The following BCL2 variants were observed in gnomAD, a reference collection of about 807,000 sequenced individuals.
BCL2 encodes the protein BCL2 apoptosis regulator, also known as apoptosis regulator Bcl-2.
A neutral mutation model predicts 14.2 loss-of-function variants in BCL2; 1 was observed. That is an observed-to-expected ratio of 0.07 (90% CI 0.02 to 0.33). The LOEUF (loss-of-function observed/expected upper bound fraction) is 0.33. Among genes scored for constraint, BCL2 ranks in the 10% least tolerant of loss-of-function variants. The pLI, the probability that BCL2 is intolerant of heterozygous loss-of-function variation, is 0.99. For synonymous variants in BCL2, 151 were observed against 137.2 expected (o/e 1.10, Z -0.70); for missense variants, 247 against 305.9 (o/e 0.81, Z 1.44).
At chr18:63,255,594 G>T (rs773800855) in intron 2 of BCL2, among the ~76,000 whole-genome samples, 1 of 152,188 alleles carries the variant, frequency 6.6e-6, no homozygotes, top group African/African-American at 2.4e-5. Context: ...GTTTGAAAGA[G>T]CTGGACTTCC....
intron 2 of BCL2, among the ~76,000 whole-genome samples, chr18:63,294,117 T>A (rs901241529): frequency 1.3e-5 from 2 of 152,162 alleles, no homozygotes; most frequent in Non-Finnish European, 2.9e-5. Context: ...GCTGCCTTGG[T>A]ATGTAGACCA....
intron 2 of BCL2, among the ~76,000 whole-genome samples, chr18:63,153,316 TGCCTG>T (rs1414852256): frequency 6.6e-6 from 1 of 152,226 alleles, no homozygotes; most frequent in Non-Finnish European, 1.5e-5. Context: ...TTCTGTGAAG[TGCCTG>T]GCAGCAAAGG....
chr18:63,295,452 A>G (rs1179380087), intron 2 of BCL2, among the ~76,000 whole-genome samples: 2 of 152,092 alleles, frequency 1.3e-5, no homozygotes, highest in Non-Finnish European at 2.9e-5. Context: ...AAACCTTTAT[A>G]CCATCATTGA....
At chr18:63,218,752 A>C (rs1910291991) in intron 2 of BCL2, among the ~76,000 whole-genome samples, 5 of 29,314 alleles carry the variant, frequency 1.7e-4, no homozygotes, top group Admixed American at 4.6e-4. Context: ...TCCATCCTCC[A>C]CTCATCCCCC....
intron 2 of BCL2, chr18:63,302,332 A>AAGAG (rs963681512): frequency 1.0e-6 from 1 of 983,450 alleles, no homozygotes; most frequent in Non-Finnish European, 1.2e-6. Context: ...GAAAGAGAGA[A>AAGAG]AGAGAGAGAG....
Position 63,277,129 on chromosome 18 carries a change from C to T in BCL2, c.585+40953G>A, listed in dbSNP as rs138791814. On this transcript the variant is annotated intron_variant, in intron 2 of 2. Transcript: ENST00000333681. The stretch of plus-strand genomic sequence containing the variant: ...CCACCTGCCCCCTGTCTGGGAGACT[C>T]TTCTCTCAGAGATCCACAGGGCTCC... Among the ~76,000 whole-genome samples, 318 of 152,286 alleles carry T rather than the reference C, an allele frequency of 2.1e-3. 2 individuals are homozygous for T. The highest frequency in any genetic ancestry group is 7.5e-3 in the African/African-American group (312 of 41,562).
At chr18:63,254,383 T>TGAAAAA (rs1218382855) in intron 2 of BCL2, among the ~76,000 whole-genome samples, 1 of 38,412 alleles carries the variant, frequency 2.6e-5, no homozygotes, top group Non-Finnish European at 4.2e-5. Context: ...CTGTCTTTGC[T>TGAAAAA]AAAAAAAAAA....
At chr18:63,223,065 G>C (rs769478758) in intron 2 of BCL2, among the ~76,000 whole-genome samples, 6 of 152,172 alleles carry the variant, frequency 3.9e-5, no homozygotes, top group Non-Finnish European at 8.8e-5. Flanking sequence ...AGATAGCACC[G>C]GTGACCTCTG....
At chr18:63,188,045 G>GT (rs1014753754) in intron 2 of BCL2, among the ~76,000 whole-genome samples, 35 of 152,282 alleles carry the variant, frequency 2.3e-4, no homozygotes, top group African/African-American at 8.2e-4. Context: ...CATAAACTTT[G>GT]TAAGTATACG....
At chr18:63,228,938 G>A (rs941022673) in intron 2 of BCL2, among the ~76,000 whole-genome samples, 1 of 152,212 alleles carries the variant, frequency 6.6e-6, no homozygotes, top group South Asian at 2.1e-4. Context: ...TCTAACTCCT[G>A]ACCTTGAGTG....
intron 2 of BCL2, among the ~76,000 whole-genome samples, chr18:63,197,204 T>C (rs1234100893): frequency 6.6e-6 from 1 of 152,242 alleles, no homozygotes; most frequent in Non-Finnish European, 1.5e-5. Flanking sequence ...AGATGCTGCA[T>C]GACCTTCAGA....
intron 2 of BCL2, among the ~76,000 whole-genome samples, chr18:63,308,982 T>C (rs1779094598): frequency 1.3e-5 from 2 of 152,334 alleles, no homozygotes; most frequent in Middle Eastern, 3.4e-3. Context: ...ACCTTGATTT[T>C]GTAAGACCTA....
At position 63,125,261 on chromosome 18, in the gene BCL2, G is replaced by A. The variant is rs552589178; in HGVS notation, c.*3364C>T. The A allele has an allele frequency of 6.6e-5, 15 of 226,166 alleles. No individual in the cohort carries two copies. The highest frequency in any genetic ancestry group is 1.1e-4 in the Admixed American group (2 of 17,566). 14.0% of individuals were successfully genotyped at this position (226,166 alleles called of 1,614,324 possible). A position where few individuals can be genotyped will look rare whatever the true frequency, so the allele number is the denominator to read the frequency against. Reference sequence around the variant, plus strand: ...AGTGAGCTGTGGAGAGAATGTTGGCGTCTTGTTTGAACTAAATTGAGGTGC... The same window carrying A: ...AGTGAGCTGTGGAGAGAATGTTGGCATCTTGTTTGAACTAAATTGAGGTGC... On this transcript the variant is annotated 3_prime_UTR_variant, in exon 3 of 3. Coordinates refer to ENST00000333681, the MANE Select transcript of BCL2 (RefSeq NM_000633.3).
At chr18:63,172,263 G>A (rs776430621) in intron 2 of BCL2, among the ~76,000 whole-genome samples, 30 of 152,268 alleles carry the variant, frequency 2.0e-4, no homozygotes, top group Admixed American at 5.9e-4. Flanking sequence ...TTTCATTCAC[G>A]TACTCACTTG....
At chr18:63,199,515 GACAC>G (rs533320160) in intron 2 of BCL2, among the ~76,000 whole-genome samples, 174 of 144,346 alleles carry the variant, frequency 1.2e-3, no homozygotes, top group Non-Finnish European at 1.9e-3. Context: ...CAGACACAGA[GACAC>G]ACACAACACA....
chr18:63,288,932 A>G (rs558040104), intron 2 of BCL2, among the ~76,000 whole-genome samples: 2 of 152,346 alleles, frequency 1.3e-5, no homozygotes, highest in South Asian at 2.1e-4. Flanking sequence ...TGATAAACCT[A>G]CATGCGTAGC....
intron 2 of BCL2, among the ~76,000 whole-genome samples, chr18:63,307,891 A>G (rs1180056973): frequency 6.6e-6 from 1 of 152,214 alleles, no homozygotes; most frequent in Non-Finnish European, 1.5e-5. Flanking sequence ...CAAATCTACA[A>G]GCTGACACAT....
chr18:63,280,201 T>C (rs1260712472), intron 2 of BCL2, among the ~76,000 whole-genome samples: 5 of 152,208 alleles, frequency 3.3e-5, no homozygotes, highest in Admixed American at 2.0e-4. Context: ...TCATAGGCTT[T>C]GGAGTGAGAC....
intron 2 of BCL2, among the ~76,000 whole-genome samples, chr18:63,178,866 G>C (rs1467976400): frequency 6.7e-6 from 1 of 148,726 alleles, no homozygotes; most frequent in Non-Finnish European, 1.5e-5. Context: ...TAAAGGGCAG[G>C]TTCCCAGGCA....
Sources: gnomAD v4.1 joint callset for allele counts (sites outside exome capture counted in the v4.1 genomes callset) on GRCh38, gnomAD v4.1.1 for gene constraint, MANE v1.5 for transcripts, NCBI Gene and HGNC (gene_info 2026-07-23, HGNC 2026-07-21) for gene names.